DIAPH2: variants seen among roughly 807,000 people sequenced by gnomAD.
The protein encoded by DIAPH2 is diaphanous related formin 2, also known as protein diaphanous homolog 2.
In DIAPH2, 35 loss-of-function variants were observed where a neutral mutation model predicts 92.7. The ratio of observed to expected loss-of-function variants is 0.38; its 90% CI spans 0.29 to 0.50. The LOEUF is 0.50. Ranked by LOEUF, DIAPH2 falls within the 20% of genes least tolerant of loss-of-function variation. The probability of loss-of-function intolerance (pLI) is 0.94; values close to 1 mark genes in which losing one functional copy is unlikely to be tolerated. For missense variants in DIAPH2, 701 were observed against 819.5 expected (o/e 0.86, Z 1.77); for synonymous variants, 301 against 280.4 (o/e 1.07, Z -0.73).
At chrX:97,114,035 T>G (rs2147378339) in intron 20 of DIAPH2, among the ~76,000 whole-genome samples, 1 of 112,009 alleles carries the variant, frequency 8.9e-6, no homozygotes, top group African/African-American at 3.2e-5. Context: ...ATGAAACAAG[T>G]AATTAAAACC....
intron 16 of DIAPH2, among the ~76,000 whole-genome samples, chrX:96,963,900 T>A (rs936593883): frequency 2.7e-5 from 3 of 111,831 alleles, no homozygotes; most frequent in Non-Finnish European, 5.6e-5. Flanking sequence ...GAATGACTTT[T>A]TTTTTAATTT....
intron 17 of DIAPH2, among the ~76,000 whole-genome samples, chrX:97,009,573 G>A (rs1050157979): frequency 8.0e-5 from 9 of 112,488 alleles, no homozygotes; most frequent in African/African-American, 2.6e-4. Context: ...GTCATTCAAG[G>A]CCCACAGCTA....
intron 10 of DIAPH2, among the ~76,000 whole-genome samples, 186 bp from the exon 11 acceptor site, chrX:96,937,047 A>G (rs757514509): frequency 7.1e-5 from 8 of 112,056 alleles, no homozygotes; most frequent in African/African-American, 2.6e-4. Flanking sequence ...AGTGAATGCA[A>G]TGAGGTCCTT....
chrX:97,033,417 A>G (rs936750980), intron 17 of DIAPH2, among the ~76,000 whole-genome samples: 3 of 111,775 alleles, frequency 2.7e-5, no homozygotes, highest in Middle Eastern at 4.6e-3. Context: ...TGTCCTTTTG[A>G]AAGGTCATCT....
chrX:97,584,849 G>T (rs1456924980), intron 26 of DIAPH2, among the ~76,000 whole-genome samples: 2 of 112,681 alleles, frequency 1.8e-5, no homozygotes, highest in Non-Finnish European at 3.8e-5. Flanking sequence ...GTGAACAATT[G>T]CAAGTTGGTC....
At chrX:97,312,355 T>A (rs1421760865) in intron 23 of DIAPH2, among the ~76,000 whole-genome samples, 1 of 78,887 alleles carries the variant, frequency 1.3e-5, no homozygotes, top group Admixed American at 1.5e-4. Context: ...CTTTTTTTTT[T>A]TTTTTTTTTT....
chrX:96,848,474 A>G (rs1347036064), intron 4 of DIAPH2, among the ~76,000 whole-genome samples: 5 of 112,411 alleles, frequency 4.4e-5, no homozygotes, highest in Non-Finnish European at 3.7e-5. Flanking sequence ...TGCTATGCCA[A>G]CCAATACTCT....
chrX:97,519,627 T>C (rs962311920), intron 26 of DIAPH2, among the ~76,000 whole-genome samples: 6 of 112,929 alleles, frequency 5.3e-5, no homozygotes, highest in Non-Finnish European at 1.1e-4. Flanking sequence ...CAGAGGTTAC[T>C]GTTTCAGTGG....
chrX:97,407,191 A>G (rs1335689977), intron 25 of DIAPH2, among the ~76,000 whole-genome samples: 2 of 111,958 alleles, frequency 1.8e-5, no homozygotes, highest in Admixed American at 1.9e-4. Flanking sequence ...TGCCGAAAGT[A>G]TAATGTAGAA....
chrX:96,831,921 A>G (rs937688500), intron 4 of DIAPH2, among the ~76,000 whole-genome samples: 1 of 111,577 alleles, frequency 9.0e-6, no homozygotes, highest in Non-Finnish European at 1.9e-5. Flanking sequence ...AGATGCTTCC[A>G]TCTAGAAGCA....
At chrX:97,044,883 T>A (rs1602742970) in intron 17 of DIAPH2, among the ~76,000 whole-genome samples, 1 of 111,888 alleles carries the variant, frequency 8.9e-6, no homozygotes, top group East Asian at 2.8e-4. Flanking sequence ...AACTTTCATG[T>A]TCATCATTCC....
At chrX:96,989,617 C>T (rs747001353) in intron 17 of DIAPH2, among the ~76,000 whole-genome samples, 15 of 111,872 alleles carry the variant, frequency 1.3e-4, no homozygotes, top group Non-Finnish European at 2.3e-4. Context: ...AATGTAGCTT[C>T]TCTGTATGAT....
chrX:96,685,313 T>G, intron 1 of DIAPH2, 123 bp downstream of exon 1: 1 of 814,693 alleles, frequency 1.2e-6, no homozygotes, highest in Non-Finnish European at 1.6e-6. Flanking sequence ...GCTGTGCAAC[T>G]CGGGGAGCCG....
chrX:97,505,649 C>CT lies in DIAPH2; in HGVS notation c.3241+75918dup, dbSNP rs372665495. On this transcript the variant is annotated intron_variant, in intron 26 of 26. Transcript: ENST00000324765. ...GCATAATGCAGCAAATGAGGTAGGGCTTTTTTTTTTTTTTAACTCATCAAT... is the reference window on the plus strand; with the variant it reads ...GCATAATGCAGCAAATGAGGTAGGGCTTTTTTTTTTTTTTTAACTCATCAAT... 2.5e-3 allele frequency among the ~76,000 whole-genome samples: 233 copies of CT among 94,872 alleles called. 2 individuals carry two copies. Among genetic ancestry groups the CT allele is most frequent in the East Asian group, 0.015 (46 of 3,078 alleles). 82.4% of individuals were successfully genotyped at this position (94,872 alleles called of 115,157 possible).
intron 1 of DIAPH2, among the ~76,000 whole-genome samples, chrX:96,689,520 A>C (rs900805279): frequency 9.2e-6 from 1 of 108,821 alleles, no homozygotes; most frequent in African/African-American, 3.4e-5. Context: ...CAGCTCATCC[A>C]TTTACTAGGT....
chrX:96,933,599 T>A lies in DIAPH2; in HGVS notation c.1089+2756T>A, dbSNP rs191292924. ...ATTTATATATTTTATATGTTTATAT[T>A]TTTTTTATTTTATATTTATTTTTGA... is the stretch of plus-strand genomic sequence containing the variant. On this transcript the variant is annotated intron_variant, in intron 10 of 26. Coordinates refer to ENST00000324765, the MANE Select transcript of DIAPH2 (RefSeq NM_006729.5). Among the ~76,000 whole-genome samples, 732 of 101,792 alleles carry A rather than the reference T, an allele frequency of 7.2e-3. 7 individuals carry two copies. Among genetic ancestry groups the A allele is most frequent in the African/African-American group, 0.026 (681 of 26,182 alleles). The allele number at this position is 101,792 out of a possible 115,157, so 88.4% of individuals were successfully genotyped here.
chrX:96,833,965 G>A (rs187683771), intron 4 of DIAPH2, among the ~76,000 whole-genome samples: 20 of 110,876 alleles, frequency 1.8e-4, no homozygotes, highest in East Asian at 1.1e-3. Flanking sequence ...CCCGGCCAGG[G>A]GTTTATTAAC....
intron 19 of DIAPH2, among the ~76,000 whole-genome samples, chrX:97,090,427 A>T (rs763983784): frequency 9.7e-6 from 1 of 103,377 alleles, no homozygotes. Context: ...CCTAATGCCC[A>T]GGTGCCCCAG....
intron 26 of DIAPH2, among the ~76,000 whole-genome samples, chrX:97,568,439 G>T (rs2147872693): frequency 9.0e-6 from 1 of 110,858 alleles, no homozygotes; most frequent in African/African-American, 3.3e-5. Flanking sequence ...AGGGGTGGTT[G>T]GTACAATAAG....
Sources: allele counts gnomAD v4.1 joint callset (sites outside exome capture counted in the v4.1 genomes callset), GRCh38; gene constraint gnomAD v4.1.1; transcripts MANE v1.5; gene names NCBI Gene and HGNC (gene_info 2026-07-23, HGNC 2026-07-21).